The following MYPN variants were observed in gnomAD, a reference collection of about 807,000 sequenced individuals.
MYPN encodes the protein myopalladin.
MYPN carries 63 observed loss-of-function variants against 129.4 expected under a neutral mutation model. The observed-to-expected ratio is 0.49, with a 90% CI of 0.40 to 0.60. The LOEUF is 0.60. Ranked by LOEUF, MYPN falls within the 20% of genes least tolerant of loss-of-function variation. MYPN has a pLI of 0.00. For missense variants in MYPN, 1,596 were observed against 1,635.4 expected, an observed-to-expected ratio of 0.98 and a Z score of 0.42; for synonymous variants, 629 against 600.9, an observed-to-expected ratio of 1.05 and a Z score of -0.68.
rs2134066099 is a variant in MYPN, at chr10:68,142,932, C to G, written c.903-8C>G. ...TCATGTCCAATGACCATATCCTTTT[C>G]CCTGCAGGTGGTACTGTGAAGGCAA... On this transcript the variant is annotated splice_polypyrimidine_tract_variant and splice_region_variant and intron_variant, in intron 2 of 19. Transcript: ENST00000358913. 6.2e-7 allele frequency: 1 copy of G among 1,613,852 alleles called. No homozygotes were observed. The highest frequency in any genetic ancestry group is 8.5e-7 in the Non-Finnish European group (1 of 1,179,772).
Position 68,174,566 on chromosome 10 carries a change from A to G in MYPN, c.2474A>G (p.Asn825Ser), listed in dbSNP as rs529132898. Residue 825 changes from asparagine (N) to serine (S), a missense_variant, in exon 11 of 20, where the codon AAC (asparagine) becomes AGC (serine). Transcript: ENST00000358913. ...IPVSPTSRIQ[N>S]PVAFLSSVLP... ...GTCTCTCCTACCAGCCGGATTCAGA[A>G]CCCAGTGGCTTTCCTCAGCTCTGTT... The G allele has an allele frequency of 1.2e-6, 2 of 1,614,176 alleles. No homozygotes were observed. The highest frequency in any genetic ancestry group is 8.5e-7 in the Non-Finnish European group (1 of 1,180,024).
At position 68,136,379 on chromosome 10, in the gene MYPN, G is replaced by C. The variant is rs2042486987; in HGVS notation, c.903-6561G>C. 4 of 864,150 alleles carry C rather than the reference G, an allele frequency of 4.6e-6. No individual in the cohort carries two copies. In the South Asian group the frequency reaches 1.3e-4, roughly 28 times the overall value. The allele number at this position is 864,150 out of a possible 1,614,324, so 53.5% of individuals were successfully genotyped here. ...ACTGCCATTCTGTAAGTGTCATGAG[G>C]ATTTGGCGTTCTAAAAACATGCCAC... On this transcript the variant is annotated intron_variant, in intron 2 of 19. Coordinates refer to ENST00000358913, the MANE Select transcript of MYPN (RefSeq NM_032578.4).
At chr10:68,113,392 A>T (rs1362562021) in intron 1 of MYPN, among the ~76,000 whole-genome samples, 4 of 152,198 alleles carry the variant, frequency 2.6e-5, no homozygotes, top group Non-Finnish European at 4.4e-5. Flanking sequence ...AGGAATGTAG[A>T]GCAGTGTTTA....
intron 1 of MYPN, among the ~76,000 whole-genome samples, chr10:68,110,260 T>A (rs1167580312): frequency 6.6e-6 from 1 of 152,144 alleles, no homozygotes; most frequent in Non-Finnish European, 1.5e-5. Context: ...CCTTTCTCTC[T>A]CTCTCTCTCT....
upstream of MYPN, among the ~76,000 whole-genome samples, chr10:68,104,056 C>T (rs746644631): frequency 3.8e-4 from 58 of 152,180 alleles, no homozygotes; most frequent in Non-Finnish European, 7.6e-4. Context: ...GCGTAATTTC[C>T]TCCCAGTAAC....
At position 68,174,312 on chromosome 10, in the gene MYPN, C is replaced by T. The variant is rs2134199759; in HGVS notation, c.2220C>T (p.Ser740=). ...TNTTAATVAP[S]SSPVFTLSST... is the part of the protein sequence containing the mutation. ...CCACCGCAGCAACTGTGGCCCCTTC[C>T]AGCTCTCCGGTGTTCACTTTGAGCA... The change falls in exon 11 of 20, where the codon TCC becomes TCT. Residue 740 remains serine (S), a synonymous_variant. Coordinates refer to ENST00000358913, the MANE Select transcript of MYPN (RefSeq NM_032578.4). 1 of 1,614,176 alleles carries T rather than the reference C, an allele frequency of 6.2e-7. No individual in the cohort carries two copies. The highest frequency in any genetic ancestry group is 2.2e-5 in the East Asian group (1 of 44,884).
intron 12 of MYPN, among the ~76,000 whole-genome samples, chr10:68,186,608 C>A (rs1022059979): frequency 2.0e-5 from 3 of 152,110 alleles, no homozygotes; most frequent in African/African-American, 7.2e-5. Context: ...CCAGATTCCC[C>A]AAAGATGTGT....
At chr10:68,163,166 A>G (rs2043003929) in intron 8 of MYPN, among the ~76,000 whole-genome samples, 1 of 152,122 alleles carries the variant, frequency 6.6e-6, no homozygotes, top group African/African-American at 2.4e-5. Context: ...ATAGTGGTGC[A>G]TGTCTGTGGT....
intron 15 of MYPN, among the ~76,000 whole-genome samples, chr10:68,196,765 T>C (rs913535306): frequency 1.3e-4 from 20 of 151,980 alleles, no homozygotes; most frequent in Admixed American, 3.3e-4. Context: ...GATTACAGGC[T>C]TGAGCCACCA....
chr10:68,106,135 T>C (rs768199852), upstream of MYPN: 2 of 453,980 alleles, frequency 4.4e-6, no homozygotes, highest in Non-Finnish European at 8.8e-6. Flanking sequence ...ATTTGGACTT[T>C]AGATGATCCT....
In MYPN at chr10:68,174,424, C is replaced by T. The variant is rs1589587926; in HGVS notation, c.2332C>T (p.Leu778Phe). 1.2e-6 allele frequency: 2 copies of T among 1,614,012 alleles called. No individual in the cohort carries two copies. The highest frequency in any genetic ancestry group is 3.3e-5 in the Admixed American group (2 of 59,990). The change falls in exon 11 of 20, where the codon CTT (leucine) becomes TTT (phenylalanine). Residue 778 changes from leucine to phenylalanine, a missense_variant. Physicochemically the swap from Leu to Phe is conservative, Grantham distance 22 (BLOSUM62 0). Coordinates refer to ENST00000358913, the MANE Select transcript of MYPN (RefSeq NM_032578.4). ...TGTGCAAACCAAATCTCCAGGAGGG[C>T]TTTCCATCCAAAATGAGCCACTCCC... The part of the protein sequence containing the change: ...PSVQTKSPGG[L>F]SIQNEPLPPG...
chr10:68,125,000 T>C (rs1039043781), intron 2 of MYPN, among the ~76,000 whole-genome samples: 4 of 152,104 alleles, frequency 2.6e-5, no homozygotes, highest in African/African-American at 9.7e-5. Context: ...AAAACTTAGG[T>C]TAGTCCTGTC....
upstream of MYPN, among the ~76,000 whole-genome samples, chr10:68,103,424 A>C (rs2041991420): frequency 6.6e-6 from 1 of 152,210 alleles, no homozygotes; most frequent in Non-Finnish European, 1.5e-5. Flanking sequence ...AAATAGCCCT[A>C]GAGCTTAGTC....
chr10:68,179,269 T>C (rs548368872), intron 12 of MYPN, among the ~76,000 whole-genome samples: 1 of 152,292 alleles, frequency 6.6e-6, no homozygotes, highest in East Asian at 1.9e-4. Flanking sequence ...GTAAGGCCAC[T>C]GGCTTTATGC....
chr10:68,129,659 G>A (rs1364814317), intron 2 of MYPN, among the ~76,000 whole-genome samples: 2 of 152,098 alleles, frequency 1.3e-5, no homozygotes, highest in African/African-American at 4.8e-5. Flanking sequence ...TTTTCCAAAG[G>A]AATTGTTTTG....
chr10:68,130,606 G>A (rs1168210315), intron 2 of MYPN, among the ~76,000 whole-genome samples: 1 of 151,174 alleles, frequency 6.6e-6, no homozygotes, highest in Non-Finnish European at 1.5e-5. Flanking sequence ...TTTATCTTTA[G>A]ATAATTAGAT....
chr10:68,093,912 C>A (rs2041943138), intron 1 of MYPN, among the ~76,000 whole-genome samples: 1 of 151,992 alleles, frequency 6.6e-6, no homozygotes, highest in African/African-American at 2.4e-5. Context: ...GTAAATATTT[C>A]CCAGAACTGA....
intron 19 of MYPN, among the ~76,000 whole-genome samples, chr10:68,208,665 C>T (rs2043856047): frequency 6.6e-6 from 1 of 152,154 alleles, no homozygotes; most frequent in Admixed American, 6.5e-5. Context: ...TGCCCTGGCT[C>T]TCCTCTCCCT....
chr10:68,195,642 C>T, intron 15 of MYPN, 110 bp downstream of exon 15: 1 of 864,896 alleles, frequency 1.2e-6, no homozygotes, highest in Non-Finnish European at 2.0e-6. Flanking sequence ...TAGTCCTTCA[C>T]TTGCAGCACT....
Sources: gnomAD v4.1 joint callset for allele counts (sites outside exome capture counted in the v4.1 genomes callset) on GRCh38, gnomAD v4.1.1 for gene constraint, MANE v1.5 for transcripts, NCBI Gene and HGNC (gene_info 2026-07-23, HGNC 2026-07-21) for gene names.